ESYT1: variants seen among roughly 807,000 people sequenced by gnomAD.
The protein encoded by ESYT1 is extended synaptotagmin-1.
Under a neutral mutation model 154.2 loss-of-function variants are expected in ESYT1, and 116 were observed. That is an observed-to-expected ratio of 0.75 (90% CI 0.65 to 0.88). The LOEUF (loss-of-function observed/expected upper bound fraction) is 0.88, where lower values mean the gene tolerates loss of function less well. Among genes scored for constraint, ESYT1 ranks in the 40% least tolerant of loss-of-function variants. The probability of loss-of-function intolerance (pLI) is 0.00; values close to 1 mark genes in which losing one functional copy is unlikely to be tolerated. For synonymous variants in ESYT1, 500 were observed against 539.9 expected, an observed-to-expected ratio of 0.93 and a Z score of 1.02; for missense variants, 1,264 against 1,379.3, an observed-to-expected ratio of 0.92 and a Z score of 1.32.
Position 56,138,953 on chromosome 12 carries a change from C to G in ESYT1, c.2532C>G (p.Val844=). 6.2e-7 allele frequency: 1 copy of G among 1,614,158 alleles called. No individual in the cohort carries two copies. The highest frequency in any genetic ancestry group is 1.1e-5 in the South Asian group (1 of 91,088). ...CTATTTCGCAAACTTCAGCCCCTGT[C>G]TGGGATGAGAGTGCCTCCTTTCTCA... is the stretch of plus-strand genomic sequence containing the variant. ...TKTISQTSAP[V]WDESASFLIR... Residue 844 remains valine (V), a synonymous_variant, in exon 24 of 31, where the codon GTC becomes GTG. Coordinates refer to ENST00000394048, the MANE Select transcript of ESYT1 (RefSeq NM_015292.3).
Position 56,134,417 on chromosome 12 carries a change from C to G in ESYT1, c.1621C>G (p.Leu541Val), listed in dbSNP as rs752857721. The G allele has an allele frequency of 6.2e-7, 1 of 1,614,090 alleles. No homozygotes were observed. The highest frequency in any genetic ancestry group is 1.1e-5 in the South Asian group (1 of 91,072). The change falls in exon 15 of 31, where the codon CTC becomes GTC. Residue 541 changes from leucine (L) to valine (V), a missense_variant. By Grantham distance (32) the Leu-to-Val change is conservative. Coordinates refer to ENST00000394048, the MANE Select transcript of ESYT1 (RefSeq NM_015292.3). ...FFLQDPQSQE[L>V]DVQVKDDSRA... is the part of the protein sequence containing the mutation. The stretch of plus-strand genomic sequence containing the variant: ...CCTACAAGACCCTCAAAGCCAGGAG[C>G]TCGATGTGCAAGTGAGATAATCACC...
At chr12:56,138,375 A>G in intron 21 of ESYT1, 29 bp from the exon 22 acceptor site, 1 of 1,612,372 alleles carries the variant, frequency 6.2e-7, no homozygotes, top group South Asian at 1.1e-5. Flanking sequence ...GTCAGTTACC[A>G]CTCCCCAGCC....
chr12:56,132,336 T>A lies in ESYT1; in HGVS notation c.984+4T>A. The A allele has an allele frequency of 6.2e-7, 1 of 1,614,164 alleles. No individual in the cohort carries two copies. The highest frequency in any genetic ancestry group is 8.5e-7 in the Non-Finnish European group (1 of 1,180,040). On this transcript the variant is annotated splice_donor_region_variant and intron_variant, in intron 8 of 30. Coordinates refer to ENST00000394048, the MANE Select transcript of ESYT1 (RefSeq NM_015292.3). Reference sequence around the variant, plus strand: ...GTTGCGTTCCCCTCTGCCCAGGGTATGGCCTTTCCCCCACTAGATAGATCC... The same window carrying A: ...GTTGCGTTCCCCTCTGCCCAGGGTAAGGCCTTTCCCCCACTAGATAGATCC...
At chr12:56,139,595 T>A (rs1020055242) in intron 24 of ESYT1, among the ~76,000 whole-genome samples, 2 of 141,568 alleles carry the variant, frequency 1.4e-5, no homozygotes, top group African/African-American at 2.7e-5. Context: ...GAGGGTAGAT[T>A]TTTTTTTTTT....
rs545815866 is a variant in ESYT1 at position 56,142,259 on chromosome 12, T to C, written c.2593-26T>C. On this transcript the variant is annotated intron_variant, in intron 24 of 30. Coordinates refer to ENST00000394048, the MANE Select transcript of ESYT1 (RefSeq NM_015292.3). The surrounding 1 kb of genome is among the most constrained non-coding windows in gnomAD (Gnocchi z 4.1). The stretch of plus-strand genomic sequence containing the variant: ...ACTCATTTGTTGATGCATTCGCCTC[T>C]TGATCATGGTCCTGTTGCCCCACAG... 354 of 1,612,170 alleles carry C rather than the reference T, an allele frequency of 2.2e-4. 2 individuals carry two copies. The South Asian group carries it at 3.7e-3, about 17-fold the overall frequency.
chr12:56,138,942 T>G lies in ESYT1; in HGVS notation c.2521T>G (p.Ser841Ala). ...TCTCCACCAGACTATTTCGCAAACTTCAGCCCCTGTCTGGGATGAGAGTGC... is the reference window on the plus strand; with the variant it reads ...TCTCCACCAGACTATTTCGCAAACTGCAGCCCCTGTCTGGGATGAGAGTGC... Reference protein sequence around the residue: ...SHKTKTISQTSAPVWDESASF... With the variant: ...SHKTKTISQTAAPVWDESASF... Residue 841 changes from serine (S) to alanine (A), a missense_variant, in exon 24 of 31, where the codon TCA becomes GCA. Coordinates refer to ENST00000394048, the MANE Select transcript of ESYT1 (RefSeq NM_015292.3). The G allele has an allele frequency of 6.2e-7, 1 of 1,614,116 alleles. No individual in the cohort carries two copies. The highest frequency in any genetic ancestry group is 8.5e-7 in the Non-Finnish European group (1 of 1,179,992).
In ESYT1 at chr12:56,144,408, T is replaced by C; in HGVS notation, c.*546T>C. On this transcript the variant is annotated 3_prime_UTR_variant, in exon 31 of 31. Transcript: ENST00000394048. ...AACCCTGTCCTGAAAATTCTACTGCTTTGATGGCTGGGGCCAGTCTCTTGT... is the reference window on the plus strand; with the variant it reads ...AACCCTGTCCTGAAAATTCTACTGCCTTGATGGCTGGGGCCAGTCTCTTGT... The C allele has an allele frequency of 1.0e-6, 1 of 988,686 alleles. No individual in the cohort carries two copies. Among genetic ancestry groups the C allele is most frequent in the Middle Eastern group, 5.2e-4 (1 of 1,916 alleles). The allele number at this position is 988,686 out of a possible 1,614,324, so 61.2% of individuals were successfully genotyped here.
At chr12:56,139,515 G>A (rs1483302912) in intron 24 of ESYT1, among the ~76,000 whole-genome samples, 1 of 151,730 alleles carries the variant, frequency 6.6e-6, no homozygotes, top group African/African-American at 2.4e-5. Flanking sequence ...GCACTGTGGG[G>A]AAGAAAGGAA....
chr12:56,131,190 C>T (rs368975133), intron 4 of ESYT1, 54 bp from the exon 5 acceptor site: 23 of 1,613,368 alleles, frequency 1.4e-5, no homozygotes, highest in South Asian at 6.6e-5. Context: ...TCCCCCTCCC[C>T]GCAACTTCAG....
At chr12:56,140,756 C>A (rs1036556967) in intron 24 of ESYT1, among the ~76,000 whole-genome samples, 3 of 152,168 alleles carry the variant, frequency 2.0e-5, no homozygotes, top group African/African-American at 7.2e-5. Flanking sequence ...AGAGGGACAA[C>A]ACTGGGGGCA....
intron 10 of ESYT1, 83 bp downstream of exon 10, chr12:56,132,884 G>C (rs1421449737): frequency 1.7e-6 from 2 of 1,186,904 alleles, no homozygotes; most frequent in Admixed American, 1.8e-5. Flanking sequence ...ACTTTGGGAG[G>C]CTGAGGCGGG....
At chr12:56,131,363 G>A (rs769488056) in intron 5 of ESYT1, 47 bp downstream of exon 5, 41 of 1,612,126 alleles carry the variant, frequency 2.5e-5, no homozygotes, top group South Asian at 5.5e-5. Context: ...TTTGTCCTGC[G>A]TTTCATGGGA....
Position 56,132,724 on chromosome 12 carries a change from G to A in ESYT1, c.1167G>A (p.Met389Ile). The part of the protein sequence containing the change: ...NPQWGETYEV[M>I]VHEVPGQEIE... ...CAGCCTTCTGTGTTCCCCAGGTGAT[G>A]GTACACGAGGTCCCAGGGCAGGAGA... is the stretch of plus-strand genomic sequence containing the variant. Residue 389 changes from methionine to isoleucine, a missense_variant, in exon 10 of 31, where the codon ATG becomes ATA. Physicochemically the swap from Met to Ile is conservative, Grantham distance 10. Coordinates refer to ENST00000394048, the MANE Select transcript of ESYT1 (RefSeq NM_015292.3). 2 of 1,614,170 alleles carry A rather than the reference G, an allele frequency of 1.2e-6. No homozygotes were observed. Among genetic ancestry groups the A allele is most frequent in the African/African-American group, 1.3e-5 (1 of 75,018 alleles).
intron 1 of ESYT1, chr12:56,130,339 G>T (rs953930390): frequency 7.0e-6 from 4 of 570,490 alleles, no homozygotes; most frequent in Non-Finnish European, 1.3e-5. Context: ...ATTTCACCAC[G>T]TCCCTGAGCT....
intron 15 of ESYT1, among the ~76,000 whole-genome samples, chr12:56,135,913 T>G (rs117740360): frequency 0.013 from 1,949 of 150,374 alleles, 23 homozygotes; most frequent in Middle Eastern, 0.031. Flanking sequence ...AATCAAAAAT[T>G]TGCCAGGTGT....
chr12:56,130,233 C>T (rs1870176048), intron 1 of ESYT1: 1 of 382,942 alleles, frequency 2.6e-6, no homozygotes. Flanking sequence ...TTTTTAAATC[C>T]CAGGATTCCC....
At chr12:56,140,729 G>A (rs529687361) in intron 24 of ESYT1, among the ~76,000 whole-genome samples, 26 of 152,148 alleles carry the variant, frequency 1.7e-4, no homozygotes, top group Non-Finnish European at 3.2e-4. Context: ...GGGATAAGAG[G>A]GTAAAGAATG....
chr12:56,137,245 T>G lies in ESYT1; in HGVS notation c.1810T>G (p.Cys604Gly). The G allele has an allele frequency of 6.2e-7, 1 of 1,614,206 alleles. No individual in the cohort carries two copies. The highest frequency in any genetic ancestry group is 1.3e-5 in the African/African-American group (1 of 75,056). The change falls in exon 17 of 31, where the codon TGC becomes GGC. Residue 604 changes from cysteine to glycine, a missense_variant. Physicochemically the swap from Cys to Gly is radical, Grantham distance 159. Transcript: ENST00000394048. ...CCTGTACTTGGATTCATCAGAAATA[T>G]GCTTCCCCACGGTGCCTGGTTGTCC... ...RILYLDSSEI[C>G]FPTVPGCPGA...
Position 56,132,269 on chromosome 12 carries a change from AT to A in ESYT1, c.923del (p.Leu308TyrfsTer34). 6.2e-7 allele frequency: 1 copy of A among 1,614,014 alleles called. No homozygotes were observed. ...IAAFLVLPNR[L>X]LVPLVPDLQD... ...CTGCCTTCCTCGTGTTGCCCAACCG[AT>A]TACTGGTGCCCCTTGTGCCTGACCT... On this transcript the variant is annotated frameshift_variant, in exon 8 of 31. Coordinates refer to ENST00000394048, the MANE Select transcript of ESYT1 (RefSeq NM_015292.3). LOFTEE classifies it high-confidence loss of function.
Sources: gnomAD v4.1 joint callset for allele counts (sites outside exome capture counted in the v4.1 genomes callset) on GRCh38, gnomAD v4.1.1 for gene constraint, Gnocchi (gnomAD v3.1) non-coding constraint, MANE v1.5 for transcripts, NCBI Gene and HGNC (gene_info 2026-07-23, HGNC 2026-07-21) for gene names.